RTL4: variants seen among roughly 807,000 people sequenced by gnomAD.
RTL4 encodes the protein retrotransposon Gag-like protein 4.
Under a neutral mutation model 5.3 loss-of-function variants are expected in RTL4, and 4 were observed. The ratio of observed to expected loss-of-function variants is 0.75; its 90% CI spans 0.37 to 1.72. The LOEUF is 1.72. RTL4 is among the 40% of genes most tolerant of loss of function. The pLI, the probability that RTL4 is intolerant of heterozygous loss-of-function variation, is 0.04. For missense variants in RTL4, 260 were observed against 227.1 expected, an observed-to-expected ratio of 1.14 and a Z score of -0.93; for synonymous variants, 98 against 87.3, an observed-to-expected ratio of 1.12 and a Z score of -0.68.
the RTL4 span, among the ~76,000 whole-genome samples, chrX:112,201,408 G>C: frequency 9.0e-6 from 1 of 111,245 alleles, no homozygotes; most frequent in Non-Finnish European, 1.9e-5. Flanking sequence ...TATTGTAAGT[G>C]ATGTACATCA....
chrX:112,281,776 C>T, the RTL4 span, among the ~76,000 whole-genome samples: 1 of 111,341 alleles, frequency 9.0e-6, no homozygotes, highest in African/African-American at 3.3e-5. Context: ...ACCTGTTGGC[C>T]ATATATATGT....
the RTL4 span, among the ~76,000 whole-genome samples, chrX:112,425,014 G>A: frequency 9.0e-6 from 1 of 110,933 alleles, no homozygotes; most frequent in Non-Finnish European, 1.9e-5. Context: ...ATGTATAATA[G>A]CATGTATCTA....
chrX:112,356,348 T>G, the RTL4 span, among the ~76,000 whole-genome samples: 5 of 111,437 alleles, frequency 4.5e-5, no homozygotes, highest in African/African-American at 1.6e-4. Flanking sequence ...CAGATTGATT[T>G]GTAATGCACT....
At chrX:112,160,510 C>T in the RTL4 span, among the ~76,000 whole-genome samples, 4 of 111,946 alleles carry the variant, frequency 3.6e-5, no homozygotes, top group African/African-American at 9.7e-5. Context: ...CCTCCAAAAG[C>T]GTATATATGT....
chrX:112,398,990 A>G, the RTL4 span, among the ~76,000 whole-genome samples: 1 of 112,454 alleles, frequency 8.9e-6, no homozygotes, highest in South Asian at 3.6e-4. Context: ...CCTTTAAATA[A>G]TGACAGGCTA....
the RTL4 span, among the ~76,000 whole-genome samples, chrX:112,352,650 C>T: frequency 3.6e-5 from 4 of 111,283 alleles, no homozygotes; most frequent in African/African-American, 1.3e-4. Flanking sequence ...GAAACTGGAT[C>T]CCTTCCTTAC....
the RTL4 span, among the ~76,000 whole-genome samples, chrX:112,203,848 G>A: frequency 3.6e-5 from 4 of 112,114 alleles, no homozygotes; most frequent in African/African-American, 1.3e-4. Context: ...ACAATTCAGG[G>A]AAAACTGACA....
chrX:112,443,537 A>C, the RTL4 span, among the ~76,000 whole-genome samples: 1 of 111,908 alleles, frequency 8.9e-6, no homozygotes, highest in Admixed American at 9.5e-5. Flanking sequence ...GGTTGTACTA[A>C]TTTACAATCC....
chrX:112,252,157 A>C, the RTL4 span, among the ~76,000 whole-genome samples: 1 of 112,138 alleles, frequency 8.9e-6, no homozygotes, highest in East Asian at 2.8e-4. Context: ...TTTTTCAAGT[A>C]AACTGGTTCA....
the RTL4 span, among the ~76,000 whole-genome samples, chrX:112,401,302 C>G: frequency 9.0e-6 from 1 of 111,204 alleles, no homozygotes; most frequent in Non-Finnish European, 1.9e-5. Flanking sequence ...CTATATGTCT[C>G]TATTCTTATC....
At chrX:112,400,411 C>A in the RTL4 span, among the ~76,000 whole-genome samples, 2 of 111,440 alleles carry the variant, frequency 1.8e-5, no homozygotes. Flanking sequence ...TTTTATTTTT[C>A]AAATCTTTTT....
the RTL4 span, among the ~76,000 whole-genome samples, chrX:112,234,283 T>C: frequency 3.6e-5 from 4 of 111,942 alleles, no homozygotes; most frequent in Non-Finnish European, 7.5e-5. Flanking sequence ...GTGTTTATCT[T>C]CTGTAACTTA....
chrX:112,330,311 G>A, the RTL4 span, among the ~76,000 whole-genome samples: 92 of 104,157 alleles, frequency 8.8e-4, no homozygotes, highest in Non-Finnish European at 1.3e-3. Flanking sequence ...CTTCAGCAAA[G>A]TCTCAGGATA....
the RTL4 span, among the ~76,000 whole-genome samples, chrX:112,444,039 C>T: frequency 9.0e-6 from 1 of 111,554 alleles, no homozygotes; most frequent in African/African-American, 3.3e-5. Flanking sequence ...TAAAGAGTCT[C>T]CACAATGTTT....
chrX:112,281,625 C>A, the RTL4 span, among the ~76,000 whole-genome samples: 13 of 111,079 alleles, frequency 1.2e-4, no homozygotes, highest in East Asian at 3.4e-3. Flanking sequence ...TAAGAGTACC[C>A]TTTTCTCCAT....
At chrX:112,107,809 A>T in the RTL4 span, among the ~76,000 whole-genome samples, 1 of 111,692 alleles carries the variant, frequency 9.0e-6, no homozygotes, top group African/African-American at 3.2e-5. Context: ...ACTGAAACTG[A>T]TTAGAAATCT....
chrX:112,390,497 C>T, the RTL4 span, among the ~76,000 whole-genome samples: 1 of 109,642 alleles, frequency 9.1e-6, no homozygotes, highest in African/African-American at 3.3e-5. Context: ...CTGGTGGTAA[C>T]AAACTCCTGC....
the RTL4 span, among the ~76,000 whole-genome samples, chrX:112,236,160 C>T: frequency 9.2e-6 from 1 of 108,891 alleles, no homozygotes; most frequent in Non-Finnish European, 1.9e-5. Context: ...CTTATTTTTG[C>T]CTAATTTTGA....
the RTL4 span, among the ~76,000 whole-genome samples, chrX:112,185,402 T>TACAC: frequency 1.6e-4 from 16 of 97,856 alleles, no homozygotes; most frequent in African/African-American, 6.3e-4. Context: ...TATATATATA[T>TACAC]ACACACACAC....
Sources: allele counts gnomAD v4.1 joint callset (sites outside exome capture counted in the v4.1 genomes callset), GRCh38; gene constraint gnomAD v4.1.1; transcripts MANE v1.5; gene names NCBI Gene and HGNC (gene_info 2026-07-23, HGNC 2026-07-21).